The following KMT2E variants were observed in gnomAD, a reference collection of about 807,000 sequenced individuals.
KMT2E encodes the protein histone reader KMT2E.
A neutral mutation model predicts 184.6 loss-of-function variants in KMT2E; 30 were observed. The ratio of observed to expected loss-of-function variants is 0.16; its 90% CI spans 0.12 to 0.22. The LOEUF (loss-of-function observed/expected upper bound fraction) is 0.22. Among genes scored for constraint, KMT2E ranks in the 10% least tolerant of loss-of-function variants. The probability of loss-of-function intolerance (pLI) is 1.00; values close to 1 mark genes in which losing one functional copy is unlikely to be tolerated. For missense variants in KMT2E, 2,023 were observed against 2,237.4 expected, an observed-to-expected ratio of 0.90 and a Z score of 1.93; for synonymous variants, 815 against 776.5, an observed-to-expected ratio of 1.05 and a Z score of -0.82.
Position 105,107,733 on chromosome 7 carries a change from G to C in KMT2E, c.3276G>C (p.Gln1092His). The C allele has an allele frequency of 6.2e-7, 1 of 1,614,168 alleles. No individual in the cohort carries two copies. The highest frequency in any genetic ancestry group is 8.5e-7 in the Non-Finnish European group (1 of 1,180,036). Reference protein sequence around the residue: ...SNLRDLTPSHQLEVGGGFRIS... With the variant: ...SNLRDLTPSHHLEVGGGFRIS... ...TGAGGGACCTGACACCCTCGCATCA[G>C]TTGGAGGTTGGAGGAGGCTTCCGAA... Residue 1092 changes from glutamine (Q) to histidine (H), a missense_variant, in exon 22 of 27, where the codon CAG becomes CAC. Physicochemically the swap from Gln to His is conservative, Grantham distance 24 (BLOSUM62 0). Around this residue, in one of 8 missense-constraint regions of KMT2E, gnomAD observed 1,108 missense variants for 1,050.9 expected, o/e 1.05. Coordinates refer to ENST00000311117, the MANE Select transcript of KMT2E (RefSeq NM_182931.3).
chr7:105,059,996 T>TGTTTG (rs1796744254), intron 3 of KMT2E, among the ~76,000 whole-genome samples: 2 of 120,736 alleles, frequency 1.7e-5, no homozygotes, highest in African/African-American at 6.1e-5. Context: ...TTTTTTTTTT[T>TGTTTG]TTTTTTTTTT....
At chr7:105,068,639 G>GTTT (rs1162488673) in intron 6 of KMT2E, among the ~76,000 whole-genome samples, 10 of 111,518 alleles carry the variant, frequency 9.0e-5, no homozygotes, top group African/African-American at 2.0e-4. Flanking sequence ...TTTTTTTTTT[G>GTTT]TTTTTTTTTT....
intron 1 of KMT2E, among the ~76,000 whole-genome samples, chr7:105,035,004 C>CA (rs1413169790): frequency 2.6e-5 from 4 of 151,250 alleles, no homozygotes; most frequent in Non-Finnish European, 5.9e-5. Context: ...TACAGGTGCC[C>CA]ACCACCACAC....
At chr7:105,028,345 T>G (rs527838592) in intron 1 of KMT2E, among the ~76,000 whole-genome samples, 50 of 152,254 alleles carry the variant, frequency 3.3e-4, no homozygotes, top group African/African-American at 1.1e-3. Context: ...ATCTTTGAAT[T>G]TCTTTGGAGA....
At chr7:105,080,118 A>T (rs371102141) in intron 12 of KMT2E, among the ~76,000 whole-genome samples, 3 of 152,102 alleles carry the variant, frequency 2.0e-5, no homozygotes, top group Non-Finnish European at 4.4e-5. Flanking sequence ...AAATGCTAGG[A>T]TTACAGGCAT....
Position 105,112,302 on chromosome 7 carries a change from GGA to G in KMT2E, c.4547_4548del (p.Gly1516AspfsTer19). On this transcript the variant is annotated frameshift_variant, in exon 27 of 27. Coordinates refer to ENST00000311117, the MANE Select transcript of KMT2E (RefSeq NM_182931.3). LOFTEE classifies it high-confidence loss of function. The stretch of plus-strand genomic sequence containing the variant: ...AGCCAATACTCAGCAGGCAACTTCT[GGA>G]ACATTATTTACACAGACACCCTCAG... Reference protein sequence around the residue: ...LPANTQQATSGTLFTQTPSGQ... With the variant: ...LPANTQQATSXTLFTQTPSGQ... 1 of 1,613,904 alleles carries G rather than the reference GGA, an allele frequency of 6.2e-7. No homozygotes were observed. The highest frequency in any genetic ancestry group is 8.5e-7 in the Non-Finnish European group (1 of 1,180,010).
chr7:105,082,834 T>C (rs1040604555), intron 13 of KMT2E, among the ~76,000 whole-genome samples: 1 of 152,176 alleles, frequency 6.6e-6, no homozygotes, highest in African/African-American at 2.4e-5. Flanking sequence ...AAGTAAAAAA[T>C]CAGTCTTGAA....
Position 105,073,626 on chromosome 7 carries a change from G to A in KMT2E, c.505G>A (p.Asp169Asn). ...LCERCQPRNL[D>N]KERAVLLQRR... ...GCTAATTTTTTAATGTAGGAATTTG[G>A]ATAAAGAGAGGGCAGTGCTACTACA... Residue 169 changes from aspartate to asparagine, a missense_variant, in exon 7 of 27, where the codon GAT becomes AAT. Physicochemically the swap from Asp to Asn is conservative, Grantham distance 23. Coordinates refer to ENST00000311117, the MANE Select transcript of KMT2E (RefSeq NM_182931.3). 2 of 1,596,772 alleles carry A rather than the reference G, an allele frequency of 1.3e-6. No individual in the cohort carries two copies. Among genetic ancestry groups the A allele is most frequent in the Non-Finnish European group, 8.6e-7 (1 of 1,165,448 alleles).
Position 105,062,266 on chromosome 7 carries a change from T to C in KMT2E, c.174T>C (p.Gly58=). ...CACATCATTCACACAGTTACATTGGTTTGCCCTATGCGGTAAGTGTTAAAC... is the reference window on the plus strand; with the variant it reads ...CACATCATTCACACAGTTACATTGGCTTGCCCTATGCGGTAAGTGTTAAAC... ...SSSHHSHSYI[G]LPYADHNYGA... The change falls in exon 4 of 27, where the codon GGT becomes GGC. Residue 58 remains glycine, a synonymous_variant. Coordinates refer to ENST00000311117, the MANE Select transcript of KMT2E (RefSeq NM_182931.3). 4 of 1,610,940 alleles carry C rather than the reference T, an allele frequency of 2.5e-6. No individual in the cohort carries two copies. Among genetic ancestry groups the C allele is most frequent in the South Asian group, 1.1e-5 (1 of 90,878 alleles).
At chr7:105,076,540 A>G (rs1797532422) in intron 9 of KMT2E, among the ~76,000 whole-genome samples, 2 of 152,320 alleles carry the variant, frequency 1.3e-5, no homozygotes, top group East Asian at 1.9e-4. Flanking sequence ...GATGGTAGCT[A>G]AAAAGTATCT....
chr7:105,111,680 A>G, intron 26 of KMT2E, 145 bp from the exon 27 acceptor site: 1 of 969,396 alleles, frequency 1.0e-6, no homozygotes, highest in South Asian at 1.9e-5. Flanking sequence ...TTAACATCCC[A>G]AGCCTCCATA....
chr7:105,086,830 C>T (rs1000112301), intron 13 of KMT2E, among the ~76,000 whole-genome samples: 30 of 144,720 alleles, frequency 2.1e-4, no homozygotes, highest in African/African-American at 7.3e-4. Flanking sequence ...TATACCACTC[C>T]ACATGAGCTA....
chr7:105,056,609 T>C (rs1796578921), intron 3 of KMT2E, among the ~76,000 whole-genome samples: 1 of 152,230 alleles, frequency 6.6e-6, no homozygotes, highest in South Asian at 2.1e-4. Flanking sequence ...TCTAGCAAAA[T>C]TAGTGATTTA....
At position 105,112,472 on chromosome 7, in the gene KMT2E, C is replaced by T. The variant is rs758860910; in HGVS notation, c.4716C>T (p.Leu1572=). 6.2e-7 allele frequency: 1 copy of T among 1,613,908 alleles called. No homozygotes were observed. Among genetic ancestry groups the T allele is most frequent in the Non-Finnish European group, 8.5e-7 (1 of 1,180,006 alleles). The part of the protein sequence containing the change: ...PSANFQNYNQ[L]KGSLSQQTVF... The stretch of plus-strand genomic sequence containing the variant: ...CAAACTTTCAGAATTATAATCAGCT[C>T]AAAGGTAGTCTTTCTCAACAAACTG... The change falls in exon 27 of 27, where the codon CTC becomes CTT. Residue 1572 remains leucine (L), a synonymous_variant. Transcript: ENST00000311117.
intron 7 of KMT2E, among the ~76,000 whole-genome samples, chr7:105,074,117 T>C (rs1797437487): frequency 6.6e-6 from 1 of 152,072 alleles, no homozygotes; most frequent in Non-Finnish European, 1.5e-5. Context: ...ATACCAGTAC[T>C]CCTGGTTTTA....
intron 15 of KMT2E, among the ~76,000 whole-genome samples, chr7:105,100,519 C>T (rs941301866): frequency 6.6e-6 from 1 of 152,080 alleles, no homozygotes; most frequent in African/African-American, 2.4e-5. Flanking sequence ...GATGTGGTTC[C>T]TGGTTCTGGT....
At chr7:105,029,056 G>C (rs1038881139) in intron 1 of KMT2E, among the ~76,000 whole-genome samples, 9 of 152,048 alleles carry the variant, frequency 5.9e-5, no homozygotes, top group Non-Finnish European at 1.2e-4. Context: ...CTTGAAGTCA[G>C]GAGTTCGAGA....
intron 1 of KMT2E, among the ~76,000 whole-genome samples, chr7:105,034,536 C>A (rs1015291343): frequency 6.6e-6 from 1 of 151,834 alleles, no homozygotes; most frequent in Non-Finnish European, 1.5e-5. Flanking sequence ...CTGGCCAAGA[C>A]CAGAATATTG....
intron 13 of KMT2E, among the ~76,000 whole-genome samples, chr7:105,083,947 T>TA (rs1383674099): frequency 6.6e-6 from 1 of 152,186 alleles, no homozygotes; most frequent in Non-Finnish European, 1.5e-5. Flanking sequence ...TGTTTTATGT[T>TA]ATCATTTAAT....
Sources: gnomAD v4.1 joint callset for allele counts (sites outside exome capture counted in the v4.1 genomes callset) on GRCh38, gnomAD v4.1.1 for gene constraint, gnomAD v4.1.1 regional missense constraint, MANE v1.5 for transcripts, NCBI Gene and HGNC (gene_info 2026-07-23, HGNC 2026-07-21) for gene names.